The following HDAC4 variants were observed in gnomAD, a reference collection of about 807,000 sequenced individuals.
HDAC4 encodes histone deacetylase 4.
Under a neutral mutation model 135.1 loss-of-function variants are expected in HDAC4, and 16 were observed. The ratio of observed to expected loss-of-function variants is 0.12; its 90% confidence interval spans 0.08 to 0.18. The LOEUF is 0.18. Ranked by LOEUF, HDAC4 falls within the 10% of genes least tolerant of loss-of-function variation. The probability of loss-of-function intolerance (pLI) is 1.00; values close to 1 mark genes in which losing one functional copy is unlikely to be tolerated. For missense variants in HDAC4, 1,143 were observed against 1,511.8 expected (o/e 0.76, Z 4.05); for synonymous variants, 685 against 653.4 (o/e 1.05, Z -0.74).
chr2:239,188,402 G>A (rs1469055018), intron 4 of HDAC4, among the ~76,000 whole-genome samples: 1 of 152,240 alleles, frequency 6.6e-6, no homozygotes, highest in East Asian at 1.9e-4. Context: ...TTATCAGCTA[G>A]GGCAGAAACA....
intron 2 of HDAC4, among the ~76,000 whole-genome samples, chr2:239,322,973 G>T (rs1403823866): frequency 2.6e-5 from 4 of 152,168 alleles, no homozygotes; most frequent in Non-Finnish European, 5.9e-5. Context: ...GGGTGCACGT[G>T]CCACAAACGG....
intron 1 of HDAC4, among the ~76,000 whole-genome samples, chr2:239,358,492 C>A (rs548257669): frequency 6.6e-6 from 1 of 152,202 alleles, no homozygotes; most frequent in East Asian, 1.9e-4. Context: ...CTCCAGGGAA[C>A]CCTGGATCCA....
rs546125055 is a variant in HDAC4 at position 239,057,858 on chromosome 2, G to A, written c.3004-3025C>T. ...GAGCCAAGAAAATGACATAAGTACA[G>A]GAAAGCCTGGATGAACAGGGATGAC... On this transcript the variant is annotated intron_variant, in intron 24 of 26. Transcript: ENST00000543185. Among the ~76,000 whole-genome samples the A allele has an allele frequency of 5.4e-4, 83 of 152,298 alleles. 1 individual carries two copies. The highest frequency in any genetic ancestry group is 1.9e-3 in the African/African-American group (80 of 41,562).
chr2:239,370,116 G>T (rs1224506294), intron 1 of HDAC4, among the ~76,000 whole-genome samples: 1 of 152,264 alleles, frequency 6.6e-6, no homozygotes, highest in African/African-American at 2.4e-5. Context: ...CCCGGGACTG[G>T]CAGGTCAGTG....
intron 2 of HDAC4, among the ~76,000 whole-genome samples, chr2:239,346,933 ACCCT>A (rs1360409846): frequency 9.4e-6 from 1 of 106,556 alleles, no homozygotes; most frequent in African/African-American, 3.0e-5. Flanking sequence ...ACACACACAC[ACCCT>A]AACACATACA....
At chr2:239,351,556 A>T (rs1171132557) in intron 2 of HDAC4, among the ~76,000 whole-genome samples, 1 of 152,250 alleles carries the variant, frequency 6.6e-6, no homozygotes, top group East Asian at 1.9e-4. Context: ...TCTTGGAATG[A>T]TCATAAACCA....
chr2:239,163,485 G>A (rs1254252700), intron 6 of HDAC4, among the ~76,000 whole-genome samples: 1 of 152,026 alleles, frequency 6.6e-6, no homozygotes, highest in East Asian at 1.9e-4. Flanking sequence ...CGTGAGGATG[G>A]CTGCTGTGGA....
intron 4 of HDAC4, among the ~76,000 whole-genome samples, chr2:239,188,183 C>T (rs2044678245): frequency 6.6e-6 from 1 of 152,232 alleles, no homozygotes; most frequent in South Asian, 2.1e-4. Context: ...GTTTGGCACC[C>T]ATGAGAGGGG....
At chr2:239,357,141 C>T (rs1693541379) in intron 1 of HDAC4, among the ~76,000 whole-genome samples, 1 of 152,126 alleles carries the variant, frequency 6.6e-6, no homozygotes, top group African/African-American at 2.4e-5. Flanking sequence ...GGCCATAAAA[C>T]CAGTCTCGAA....
At chr2:239,379,313 G>A (rs1382012005) in intron 1 of HDAC4, among the ~76,000 whole-genome samples, 14 of 152,276 alleles carry the variant, frequency 9.2e-5, no homozygotes, top group African/African-American at 2.9e-4. Flanking sequence ...GCGAGCCCCG[G>A]GGAGACGCAC....
chr2:239,376,388 G>A (rs1404710916), intron 1 of HDAC4, among the ~76,000 whole-genome samples: 2 of 151,774 alleles, frequency 1.3e-5, no homozygotes, highest in East Asian at 1.9e-4. Flanking sequence ...CCAGATGTGA[G>A]GAAGGTGCTG....
intron 2 of HDAC4, among the ~76,000 whole-genome samples, chr2:239,305,273 G>A (rs116699347): frequency 0.011 from 1,649 of 152,346 alleles, 21 homozygotes; most frequent in African/African-American, 0.038. Context: ...TTCTGAAAGC[G>A]ATGGCAGTCG....
At chr2:239,282,249 C>T (rs2050818917) in intron 2 of HDAC4, among the ~76,000 whole-genome samples, 1 of 118,460 alleles carries the variant, frequency 8.4e-6, no homozygotes, top group Non-Finnish European at 1.7e-5. Context: ...CTACAATGTA[C>T]ACACCACTCT....
chr2:239,120,405 A>G lies in HDAC4; in HGVS notation c.1534-5095T>C, dbSNP rs142333531. 9.4e-3 allele frequency among the ~76,000 whole-genome samples: 1,349 copies of G among 144,254 alleles called. 11 individuals carry two copies. Among genetic ancestry groups the G allele is most frequent in the East Asian group, 0.016 (74 of 4,758 alleles). The allele number at this position is 144,254 out of a possible 152,430, so 94.6% of individuals were successfully genotyped here. A position where few individuals can be genotyped will look rare whatever the true frequency, so the allele number is the denominator to read the frequency against. On this transcript the variant is annotated intron_variant, in intron 12 of 26. Coordinates refer to ENST00000543185, the MANE Select transcript of HDAC4 (RefSeq NM_001378414.1). ...GAGGCACACACAGACGCACACAGAC[A>G]CACACACACAGACACAGACAGATGC...
chr2:239,299,239 A>G lies in HDAC4; in HGVS notation c.22+53439T>C, dbSNP rs2052100880. On this transcript the variant is annotated intron_variant, in intron 2 of 26. Transcript: ENST00000543185. This position sits in a 1 kb window ranked among gnomAD's most constrained non-coding sequence, Gnocchi z 4.0. Reference sequence around the variant, plus strand: ...GCCTGCCACCATGAATATCCTCTCAATGTCAACACATCCACTGCCAACATC... The same window carrying G: ...GCCTGCCACCATGAATATCCTCTCAGTGTCAACACATCCACTGCCAACATC... Among the ~76,000 whole-genome samples the G allele has an allele frequency of 6.6e-6, 1 of 152,188 alleles. No homozygotes were observed. Among genetic ancestry groups the G allele is most frequent in the Admixed American group, 6.5e-5 (1 of 15,284 alleles).
intron 24 of HDAC4, among the ~76,000 whole-genome samples, chr2:239,061,844 G>A (rs112504850): frequency 6.6e-6 from 1 of 152,224 alleles, no homozygotes; most frequent in Admixed American, 6.5e-5. Context: ...ACGAATCCTG[G>A]AGTGGGTTAA....
intron 9 of HDAC4, among the ~76,000 whole-genome samples, chr2:239,134,884 C>T (rs952709397): frequency 6.6e-6 from 1 of 152,182 alleles, no homozygotes. Flanking sequence ...TCACCTTGTC[C>T]AGCATCATCT....
intron 2 of HDAC4, among the ~76,000 whole-genome samples, chr2:239,321,638 T>C (rs1338696187): frequency 6.6e-6 from 1 of 152,198 alleles, no homozygotes; most frequent in Non-Finnish European, 1.5e-5. Flanking sequence ...TCAGAAGTTC[T>C]TCCTTTTAGT....
chr2:239,149,707 C>G (rs1003475312), intron 7 of HDAC4, among the ~76,000 whole-genome samples: 6 of 152,206 alleles, frequency 3.9e-5, no homozygotes, highest in Admixed American at 2.0e-4. Context: ...ACGTTGCTCA[C>G]GTGCTCCTGG....
Sources: gnomAD v4.1 joint callset for allele counts (sites outside exome capture counted in the v4.1 genomes callset) on GRCh38, gnomAD v4.1.1 for gene constraint, Gnocchi (gnomAD v3.1) non-coding constraint, MANE v1.5 for transcripts, NCBI Gene and HGNC (gene_info 2026-07-23, HGNC 2026-07-21) for gene names.